The following LHFPL6 variants were observed in gnomAD, a reference collection of about 807,000 sequenced individuals.
LHFPL6 encodes the protein LHFPL tetraspan subfamily member 6.
A neutral mutation model predicts 20.6 loss-of-function variants in LHFPL6; 9 were observed. The observed-to-expected ratio is 0.44, with a 90% CI of 0.26 to 0.76. The LOEUF (loss-of-function observed/expected upper bound fraction) is 0.76. Ranked by LOEUF, LHFPL6 falls within the 30% of genes least tolerant of loss-of-function variation. LHFPL6 has a pLI of 0.20. For missense variants in LHFPL6, 218 were observed against 253.5 expected (o/e 0.86, Z 0.95); for synonymous variants, 105 against 98.7 (o/e 1.06, Z -0.38).
intron 2 of LHFPL6, among the ~76,000 whole-genome samples, chr13:39,484,829 C>T (rs907327398): frequency 6.6e-6 from 1 of 152,116 alleles, no homozygotes; most frequent in Non-Finnish European, 1.5e-5. Context: ...TGAGGAGGTG[C>T]GAACCTGTGT....
rs769444417 is a variant in LHFPL6 at position 39,342,893 on chromosome 13, A to G, written c.*1043T>C. On this transcript the variant is annotated 3_prime_UTR_variant, in exon 4 of 4. Transcript: ENST00000379589. Reference sequence around the variant, plus strand: ...TTAACACTCCATGACTCATCTAGCTATTGATCAAAGAGAGAATTTATTCAC... The same window carrying G: ...TTAACACTCCATGACTCATCTAGCTGTTGATCAAAGAGAGAATTTATTCAC... 8.0e-5 allele frequency: 14 copies of G among 175,030 alleles called. No individual in the cohort carries two copies. The highest frequency in any genetic ancestry group is 1.6e-4 in the Non-Finnish European group (13 of 80,880). 10.8% of individuals were successfully genotyped at this position (175,030 alleles called of 1,614,324 possible).
intron 3 of LHFPL6, among the ~76,000 whole-genome samples, chr13:39,364,286 T>C (rs1304393631): frequency 6.6e-6 from 1 of 152,214 alleles, no homozygotes; most frequent in Non-Finnish European, 1.5e-5. Flanking sequence ...ACAAACTCTC[T>C]GCACTTCCCC....
chr13:39,571,292 C>A (rs141085931), intron 2 of LHFPL6, among the ~76,000 whole-genome samples: 1 of 152,200 alleles, frequency 6.6e-6, no homozygotes, highest in South Asian at 2.1e-4. Flanking sequence ...CTGTTCGATG[C>A]GCTTTCCTCT....
intron 2 of LHFPL6, among the ~76,000 whole-genome samples, chr13:39,419,472 A>T (rs1389305392): frequency 6.6e-6 from 1 of 152,250 alleles, no homozygotes; most frequent in Non-Finnish European, 1.5e-5. Context: ...TAAGTAAGGA[A>T]ACAAAAAGTG....
intron 2 of LHFPL6, among the ~76,000 whole-genome samples, chr13:39,474,783 G>A (rs1051799384): frequency 1.3e-5 from 2 of 152,026 alleles, no homozygotes; most frequent in Admixed American, 1.3e-4. Context: ...GTGGGGGCAG[G>A]CCAGTACCAC....
intron 2 of LHFPL6, among the ~76,000 whole-genome samples, chr13:39,576,296 G>T (rs1872113482): frequency 6.6e-6 from 1 of 152,160 alleles, no homozygotes; most frequent in South Asian, 2.1e-4. Flanking sequence ...AGAATAGATT[G>T]CTTAGGTTGG....
chr13:39,396,831 GACAC>G (rs373974848), intron 2 of LHFPL6, among the ~76,000 whole-genome samples: 1 of 151,876 alleles, frequency 6.6e-6, no homozygotes, highest in Non-Finnish European at 1.5e-5. Context: ...GGCAGGTGAA[GACAC>G]ACACACACAT....
intron 2 of LHFPL6, among the ~76,000 whole-genome samples, chr13:39,523,551 A>T (rs75455847): frequency 6.9e-6 from 1 of 144,852 alleles, no homozygotes; most frequent in Non-Finnish European, 1.5e-5. Context: ...CAAAAGGAAA[A>T]AAAAAAAAAA....
intron 3 of LHFPL6, among the ~76,000 whole-genome samples, chr13:39,362,528 TTTACTC>T (rs1171485199): frequency 6.6e-6 from 1 of 152,224 alleles, no homozygotes; most frequent in Non-Finnish European, 1.5e-5. Context: ...AGTGGGGACT[TTTACTC>T]TTGTAAGTTT....
rs1427575613 is a variant in LHFPL6 at position 39,562,401 on chromosome 13, TATATACAC to T, written c.385+38423_385+38430del. Among the ~76,000 whole-genome samples, 30 of 29,112 alleles carry T rather than the reference TATATACAC, an allele frequency of 1.0e-3. 1 individual carries two copies. In the East Asian group the frequency reaches 0.012, roughly 11 times the overall value. 19.1% of individuals were successfully genotyped at this position (29,112 alleles called of 152,430 possible). A position where few individuals can be genotyped will look rare whatever the true frequency, so the allele number is the denominator to read the frequency against. ...ATATATACATATACATATATATACA[TATATACAC>T]ATATACACATATACATATATACATA... On this transcript the variant is annotated intron_variant, in intron 2 of 3. Coordinates refer to ENST00000379589, the MANE Select transcript of LHFPL6 (RefSeq NM_005780.3).
chr13:39,474,445 T>A (rs757597443), intron 2 of LHFPL6, among the ~76,000 whole-genome samples: 9 of 152,212 alleles, frequency 5.9e-5, no homozygotes, highest in Non-Finnish European at 1.2e-4. Flanking sequence ...CTTTTATTCA[T>A]ATTTAGCTTT....
At chr13:39,469,088 C>G in intron 2 of LHFPL6, among the ~76,000 whole-genome samples, 1 of 152,144 alleles carries the variant, frequency 6.6e-6, no homozygotes, top group Admixed American at 6.5e-5. Context: ...CACCAGTCAC[C>G]AAAGCAAGAC....
intron 2 of LHFPL6, among the ~76,000 whole-genome samples, chr13:39,445,720 C>T (rs111647486): frequency 1.2e-4 from 18 of 152,256 alleles, no homozygotes; most frequent in African/African-American, 4.1e-4. Flanking sequence ...AAACAAAAAA[C>T]AGTGGTACAT....
At chr13:39,410,076 C>T (rs1871212077) in intron 2 of LHFPL6, among the ~76,000 whole-genome samples, 1 of 152,212 alleles carries the variant, frequency 6.6e-6, no homozygotes, top group Admixed American at 6.5e-5. Context: ...GCCTCTGCAA[C>T]TCATTTGTAA....
intron 2 of LHFPL6, among the ~76,000 whole-genome samples, chr13:39,417,681 T>A (rs1871381283): frequency 6.6e-6 from 1 of 151,738 alleles, no homozygotes; most frequent in Admixed American, 6.6e-5. Context: ...TTTTAACCTT[T>A]CAGCACAGAA....
intron 2 of LHFPL6, among the ~76,000 whole-genome samples, chr13:39,446,975 T>C (rs1206877501): frequency 1.3e-5 from 2 of 152,218 alleles, no homozygotes; most frequent in Non-Finnish European, 2.9e-5. Flanking sequence ...TTAAGCTCTC[T>C]AGAGCTGAAT....
chr13:39,596,594 T>C (rs998344037), intron 2 of LHFPL6, among the ~76,000 whole-genome samples: 2 of 151,672 alleles, frequency 1.3e-5, no homozygotes, highest in African/African-American at 4.9e-5. Flanking sequence ...CCTTCTATCA[T>C]AGGTTAGAGT....
intron 2 of LHFPL6, among the ~76,000 whole-genome samples, chr13:39,462,485 A>T (rs890082644): frequency 1.3e-5 from 2 of 152,266 alleles, no homozygotes; most frequent in African/African-American, 4.8e-5. Context: ...AGATGTTTAA[A>T]GTCATTTCCT....
At chr13:39,495,216 A>G (rs1197566242) in intron 2 of LHFPL6, among the ~76,000 whole-genome samples, 5 of 152,238 alleles carry the variant, frequency 3.3e-5, no homozygotes, top group Non-Finnish European at 7.3e-5. Flanking sequence ...CTTGTAACAC[A>G]TTTTATTAAC....
Sources: gnomAD v4.1 joint callset for allele counts (sites outside exome capture counted in the v4.1 genomes callset) on GRCh38, gnomAD v4.1.1 for gene constraint, MANE v1.5 for transcripts, NCBI Gene and HGNC (gene_info 2026-07-23, HGNC 2026-07-21) for gene names.